The following ANKFN1 variants were observed in gnomAD, a reference collection of about 807,000 sequenced individuals.
The protein encoded by ANKFN1 is ankyrin repeat and fibronectin type-III domain-containing protein 1.
Under a neutral mutation model 108.7 loss-of-function variants are expected in ANKFN1, and 74 were observed. That is an observed-to-expected ratio of 0.68 (90% CI 0.56 to 0.83). The LOEUF (loss-of-function observed/expected upper bound fraction) is 0.83. Among genes scored for constraint, ANKFN1 ranks in the 40% least tolerant of loss-of-function variants. ANKFN1 has a pLI of 0.00. For missense variants in ANKFN1, 1,505 were observed against 1,382.3 expected (o/e 1.09, Z -1.41); for synonymous variants, 547 against 516.2 (o/e 1.06, Z -0.81).
At chr17:56,280,829 C>T (rs567131791) in intron 3 of ANKFN1, among the ~76,000 whole-genome samples, 312 of 152,296 alleles carry the variant, frequency 2.0e-3, no homozygotes, top group Non-Finnish European at 3.7e-3. Flanking sequence ...GCTATGTCCC[C>T]ACCCAAATCT....
chr17:56,148,361 G>A (rs1245330490), intron 4 of ANKFN1, among the ~76,000 whole-genome samples: 3 of 152,202 alleles, frequency 2.0e-5, no homozygotes, highest in African/African-American at 7.2e-5. Flanking sequence ...ACAGGAAAGA[G>A]GCTAAGGCTT....
chr17:56,114,859 G>A (rs1344482561), intron 4 of ANKFN1, among the ~76,000 whole-genome samples: 1 of 152,206 alleles, frequency 6.6e-6, no homozygotes, highest in Non-Finnish European at 1.5e-5. Flanking sequence ...AATAATGACA[G>A]CAAGGTCAAT....
intron 4 of ANKFN1, among the ~76,000 whole-genome samples, chr17:56,115,110 A>G (rs1906185613): frequency 6.6e-6 from 1 of 152,248 alleles, no homozygotes; most frequent in African/African-American, 2.4e-5. Context: ...GTAATTTATT[A>G]CAGCAGCAAT....
At position 56,239,630 on chromosome 17, in the gene ANKFN1, A is replaced by G. The variant is rs113590380; in HGVS notation, c.53+11673A>G. 8.7e-4 allele frequency among the ~76,000 whole-genome samples: 132 copies of G among 152,130 alleles called. 1 individual carries two copies. The highest frequency in any genetic ancestry group is 3.0e-3 in the African/African-American group (126 of 41,510). On this transcript the variant is annotated intron_variant, in intron 3 of 20. Coordinates refer to ENST00000682825, the MANE Select transcript of ANKFN1 (RefSeq NM_001370326.1). ...CTACCTCTGTTGACCAGGCCAATCT[A>G]TTTACTCTCCAGATTGCATATGTCC...
chr17:56,153,258 C>T (rs544944366), upstream of ANKFN1, among the ~76,000 whole-genome samples: 5 of 152,312 alleles, frequency 3.3e-5, no homozygotes, highest in South Asian at 1.0e-3. Context: ...ATATTTTTCA[C>T]CATTTCTTTC....
intron 18 of ANKFN1, 164 bp downstream of exon 18, chr17:56,482,688 G>A (rs1293912399): frequency 2.7e-6 from 2 of 737,032 alleles, no homozygotes; most frequent in East Asian, 3.0e-5. Flanking sequence ...AAAAAGCAAA[G>A]CTCCAAGACT....
At chr17:56,175,241 T>C (rs189681214) in intron 1 of ANKFN1, among the ~76,000 whole-genome samples, 6 of 152,350 alleles carry the variant, frequency 3.9e-5, no homozygotes, top group East Asian at 1.9e-4. Flanking sequence ...ACTTATAATA[T>C]GACAGGGTAG....
intron 8 of ANKFN1, among the ~76,000 whole-genome samples, chr17:56,404,260 C>T (rs889802766): frequency 3.3e-4 from 50 of 152,122 alleles, no homozygotes; most frequent in African/African-American, 1.2e-3. Flanking sequence ...AATATGTTTT[C>T]CAAGCATTTA....
intron 11 of ANKFN1, among the ~76,000 whole-genome samples, chr17:56,449,957 A>G (rs7222135): frequency 6.6e-6 from 1 of 152,148 alleles, no homozygotes; most frequent in Non-Finnish European, 1.5e-5. Context: ...CTTCTTTTCT[A>G]CTTGGGCTGT....
intron 8 of ANKFN1, among the ~76,000 whole-genome samples, chr17:56,408,288 G>A (rs1004818500): frequency 3.3e-5 from 5 of 152,018 alleles, no homozygotes; most frequent in African/African-American, 1.2e-4. Flanking sequence ...AGTATTCTGG[G>A]TGTCTCTTTG....
intron 18 of ANKFN1, among the ~76,000 whole-genome samples, chr17:56,487,542 G>A (rs1163013751): frequency 6.6e-6 from 1 of 151,980 alleles, no homozygotes; most frequent in Non-Finnish European, 1.5e-5. Context: ...AAAAACTAGG[G>A]AATTTTAAAA....
intron 4 of ANKFN1, among the ~76,000 whole-genome samples, chr17:56,342,229 T>A (rs566389652): frequency 7.4e-5 from 8 of 107,430 alleles, no homozygotes; most frequent in African/African-American, 2.4e-4. Flanking sequence ...TGGTTTATCT[T>A]TTTTTTTTTT....
At chr17:56,475,900 A>C (rs1406427809) in intron 15 of ANKFN1, among the ~76,000 whole-genome samples, 1 of 152,176 alleles carries the variant, frequency 6.6e-6, no homozygotes, top group Non-Finnish European at 1.5e-5. Flanking sequence ...GAGACTGGAT[A>C]ATTTATGAGG....
chr17:56,222,054 G>A (rs936421457), intron 2 of ANKFN1, among the ~76,000 whole-genome samples: 7 of 152,204 alleles, frequency 4.6e-5, no homozygotes, highest in Admixed American at 1.3e-4. Context: ...AGGGTCTCAG[G>A]TGATCTGTGG....
At chr17:56,193,640 A>G (rs1000841523) in intron 1 of ANKFN1, among the ~76,000 whole-genome samples, 3 of 151,930 alleles carry the variant, frequency 2.0e-5, no homozygotes, top group Admixed American at 6.6e-5. Flanking sequence ...TTAACTCAAG[A>G]TGGATCACAG....
rs531597724 is a variant in ANKFN1 at position 56,410,248 on chromosome 17, G to A, written c.911-30079G>A. 1.6e-4 allele frequency among the ~76,000 whole-genome samples: 25 copies of A among 152,036 alleles called. 1 individual carries two copies. The highest frequency in any genetic ancestry group is 4.6e-4 in the Admixed American group (7 of 15,250). The stretch of plus-strand genomic sequence containing the variant: ...GTGCCACCACGCCCAGCTAATTTTT[G>A]CATTTTTTGGTAGAGATGGGGGTTT... On this transcript the variant is annotated intron_variant, in intron 8 of 20. Transcript: ENST00000682825.
At chr17:56,114,112 A>G (rs1271880441) in intron 4 of ANKFN1, among the ~76,000 whole-genome samples, 1 of 152,206 alleles carries the variant, frequency 6.6e-6, no homozygotes, top group Non-Finnish European at 1.5e-5. Context: ...CTGCAAGTCC[A>G]TGTTTCCTCC....
At chr17:56,417,772 A>G (rs973628886) in intron 8 of ANKFN1, among the ~76,000 whole-genome samples, 4 of 152,152 alleles carry the variant, frequency 2.6e-5, no homozygotes, top group African/African-American at 9.7e-5. Flanking sequence ...TTCCTATTCC[A>G]TCATGTTGCT....
At chr17:56,131,773 C>T (rs8080968) in intron 4 of ANKFN1, among the ~76,000 whole-genome samples, 28,995 of 152,012 alleles carry the variant, frequency 0.19, 3,311 homozygotes, top group African/African-American at 0.3. Flanking sequence ...TTCCTGTAAC[C>T]CCAGCATTTT....
Sources: allele counts gnomAD v4.1 joint callset (sites outside exome capture counted in the v4.1 genomes callset), GRCh38; gene constraint gnomAD v4.1.1; transcripts MANE v1.5; gene names NCBI Gene and HGNC (gene_info 2026-07-23, HGNC 2026-07-21).